RARB: variants seen among roughly 807,000 people sequenced by gnomAD.
The protein encoded by RARB is HBV-activated protein.
A neutral mutation model predicts 51.9 loss-of-function variants in RARB; 17 were observed. That is an observed-to-expected ratio of 0.33 (90% CI 0.22 to 0.49). The LOEUF (loss-of-function observed/expected upper bound fraction) is 0.49. Ranked by LOEUF, RARB falls within the 20% of genes least tolerant of loss-of-function variation. The probability of loss-of-function intolerance (pLI) is 0.99; values close to 1 mark genes in which losing one functional copy is unlikely to be tolerated. For synonymous variants in RARB, 215 were observed against 195.4 expected (o/e 1.10, Z -0.84); for missense variants, 369 against 550.8 (o/e 0.67, Z 3.30).
intron 5 of RARB, among the ~76,000 whole-genome samples, chr3:25,268,693 C>T (rs532654354): frequency 6.6e-6 from 1 of 152,276 alleles, no homozygotes; most frequent in South Asian, 2.1e-4. Context: ...TCCACTTTTA[C>T]CCATTGTTCA....
intron 5 of RARB, among the ~76,000 whole-genome samples, chr3:25,255,278 G>T (rs1702834081): frequency 6.6e-6 from 1 of 152,106 alleles, no homozygotes; most frequent in African/African-American, 2.4e-5. Context: ...CATAAAGTGG[G>T]TCCTTAGATC....
chr3:24,896,806 A>T (rs1266151673), intron 2 of RARB, among the ~76,000 whole-genome samples: 1 of 152,206 alleles, frequency 6.6e-6, no homozygotes, highest in African/African-American at 2.4e-5. Flanking sequence ...GGGGCAGTAT[A>T]GTCTCCTACA....
chr3:25,062,528 A>C (rs1698571936), intron 3 of RARB, among the ~76,000 whole-genome samples: 1 of 151,996 alleles, frequency 6.6e-6, no homozygotes, highest in South Asian at 2.1e-4. Context: ...CAAAATGTTC[A>C]CTGTGTATTA....
intron 5 of RARB, among the ~76,000 whole-genome samples, chr3:25,312,662 A>G (rs891000416): frequency 1.1e-4 from 16 of 152,184 alleles, no homozygotes; most frequent in African/African-American, 3.9e-4. Context: ...GGCCCAAACA[A>G]TAGTTACAAA....
chr3:25,321,035 C>T (rs2125439237), intron 5 of RARB, among the ~76,000 whole-genome samples: 1 of 152,290 alleles, frequency 6.6e-6, no homozygotes, highest in East Asian at 1.9e-4. Context: ...CTTTGGGTTT[C>T]CCTTTCGGAG....
In RARB at chr3:25,021,228, C is replaced by A. The variant is rs145637868; in HGVS notation, c.-379-38897C>A. ...GCAAATTTAATTTTACATCCTAAAG[C>A]AGGAAATTATCCTAAATATGTATGT... is the stretch of plus-strand genomic sequence containing the variant. On this transcript the variant is annotated intron_variant, in intron 2 of 11. Transcript: ENST00000383772. Among the ~76,000 whole-genome samples, 692 of 152,258 alleles carry A rather than the reference C, an allele frequency of 4.5e-3. 3 individuals are homozygous for A. Among genetic ancestry groups the A allele is most frequent in the African/African-American group, 0.016 (663 of 41,564 alleles).
At chr3:25,001,310 C>G (rs1416432416) in intron 2 of RARB, among the ~76,000 whole-genome samples, 3 of 152,136 alleles carry the variant, frequency 2.0e-5, no homozygotes, top group Non-Finnish European at 4.4e-5. Flanking sequence ...GAGAACATTT[C>G]AACAGTGGCT....
intron 2 of RARB, among the ~76,000 whole-genome samples, chr3:24,997,000 A>C (rs1030132922): frequency 1.3e-5 from 2 of 152,058 alleles, no homozygotes; most frequent in East Asian, 3.9e-4. Flanking sequence ...TTTAAATCCA[A>C]TGTTTCTTTG....
At chr3:25,290,929 T>C (rs965148183) in intron 5 of RARB, among the ~76,000 whole-genome samples, 1 of 152,182 alleles carries the variant, frequency 6.6e-6, no homozygotes, top group Non-Finnish European at 1.5e-5. Flanking sequence ...ATCGCCAGTG[T>C]TCGAGCCCTC....
chr3:25,308,176 A>G (rs1704198306), intron 5 of RARB, among the ~76,000 whole-genome samples: 1 of 152,142 alleles, frequency 6.6e-6, no homozygotes, highest in South Asian at 2.1e-4. Flanking sequence ...AACTCATCTT[A>G]ATTTCCACAT....
In RARB at chr3:25,027,626, C is replaced by A. The variant is rs996923951; in HGVS notation, c.-379-32499C>A. Among the ~76,000 whole-genome samples, 7 of 16,900 alleles carry A rather than the reference C, an allele frequency of 4.1e-4. No homozygotes were observed. The East Asian group carries it at 0.042, about 102-fold the overall frequency. The allele number at this position is 16,900 out of a possible 152,430, so 11.1% of individuals were successfully genotyped here. On this transcript the variant is annotated intron_variant, in intron 2 of 11. Coordinates refer to the RARB transcript ENST00000383772. The stretch of plus-strand genomic sequence containing the variant: ...ACACTTTATGGAAAGGAAAAAAAAA[C>A]CACAATTCTGTTGACACTAATATAT...
chr3:25,469,694 A>T (rs1695598903), intron 2 of RARB, among the ~76,000 whole-genome samples: 1 of 152,214 alleles, frequency 6.6e-6, no homozygotes, highest in Non-Finnish European at 1.5e-5. Context: ...AGACAGCTCC[A>T]GGATATAGAA....
At chr3:25,209,169 C>A (rs1310832213) in intron 5 of RARB, among the ~76,000 whole-genome samples, 1 of 152,226 alleles carries the variant, frequency 6.6e-6, no homozygotes, top group Non-Finnish European at 1.5e-5. Flanking sequence ...TGGGTCCCAA[C>A]CAGTTGACCC....
At chr3:24,996,130 C>A (rs1697032106) in intron 2 of RARB, among the ~76,000 whole-genome samples, 1 of 152,022 alleles carries the variant, frequency 6.6e-6, no homozygotes, top group Non-Finnish European at 1.5e-5. Flanking sequence ...CTGATTCAAT[C>A]CCATGCCTTG....
intron 2 of RARB, among the ~76,000 whole-genome samples, chr3:25,015,349 C>T (rs565533368): frequency 2.6e-5 from 4 of 152,164 alleles, no homozygotes; most frequent in African/African-American, 9.6e-5. Flanking sequence ...TTCTTAGATG[C>T]GAGGAATACT....
chr3:25,379,517 T>C (rs971573471), intron 5 of RARB, among the ~76,000 whole-genome samples: 1 of 152,166 alleles, frequency 6.6e-6, no homozygotes, highest in African/African-American at 2.4e-5. Flanking sequence ...GATTTAAGGA[T>C]AAAATGGTTA....
chr3:25,468,705 T>C (rs1179530527), intron 2 of RARB, among the ~76,000 whole-genome samples: 1 of 152,152 alleles, frequency 6.6e-6, no homozygotes, highest in Non-Finnish European at 1.5e-5. Flanking sequence ...CTTGATCATT[T>C]CATAAAAGAA....
chr3:24,879,484 A>ATTT (rs11417502), intron 2 of RARB, among the ~76,000 whole-genome samples: 1,497 of 121,426 alleles, frequency 0.012, 47 homozygotes, highest in African/African-American at 0.04. Context: ...AAGGATCTCC[A>ATTT]TTTTTTTTTT....
At position 25,576,913 on chromosome 3, in the gene RARB, T is replaced by C. The variant is rs147587785; in HGVS notation, c.610-3633T>C. ...TTGGGGGCAGACGTTCCCGAAGCCA[T>C]GCTCTCATAGTGCCTAGATAATGTG... is the stretch of plus-strand genomic sequence containing the variant. On this transcript the variant is annotated intron_variant, in intron 4 of 7. Transcript: ENST00000330688. 6.6e-3 allele frequency among the ~76,000 whole-genome samples: 1,010 copies of C among 152,348 alleles called. 11 individuals are homozygous for C. Among genetic ancestry groups the C allele is most frequent in the African/African-American group, 0.023 (955 of 41,574 alleles).
Sources: allele counts gnomAD v4.1 joint callset (sites outside exome capture counted in the v4.1 genomes callset), GRCh38; gene constraint gnomAD v4.1.1; transcripts MANE v1.5; gene names NCBI Gene and HGNC (gene_info 2026-07-23, HGNC 2026-07-21).